Variants in PDE4A observed in about 807,000 individuals in gnomAD.
The protein encoded by PDE4A is phosphodiesterase 4A.
In PDE4A, 21 loss-of-function variants were observed where a neutral mutation model predicts 73.9. The observed-to-expected ratio is 0.28, with a 90% CI of 0.20 to 0.41. PDE4A has a LOEUF of 0.41. PDE4A is among the 10% of genes least tolerant of loss of function. PDE4A has a pLI of 1.00. For missense variants in PDE4A, 958 were observed against 1,211.4 expected (o/e 0.79, Z 3.10); for synonymous variants, 463 against 505.4 (o/e 0.92, Z 1.13).
intron 1 of PDE4A, among the ~76,000 whole-genome samples, chr19:10,432,182 G>A (rs868592657): frequency 4.2e-5 from 6 of 142,490 alleles, no homozygotes; most frequent in Non-Finnish European, 9.4e-5. Flanking sequence ...GAGACGGGGG[G>A]GGGGGGGGGA....
In PDE4A at chr19:10,464,190, C is replaced by G. The variant is rs552261725; in HGVS notation, c.1926+215C>G. ...TTGGCTCACTGCAACCTCCGCCTCC[C>G]AGGTTCAAGTGATTCTCCTGCCTCA... On this transcript the variant is annotated intron_variant, in intron 14 of 14. Coordinates refer to ENST00000380702, the MANE Select transcript of PDE4A (RefSeq NM_001111307.2). 5.9e-5 allele frequency among the ~76,000 whole-genome samples: 9 copies of G among 152,024 alleles called. No homozygotes were observed. In the East Asian group the frequency reaches 1.8e-3, roughly 30 times the overall value.
At chr19:10,459,272 T>C (rs1361891116) in intron 8 of PDE4A, 128 bp from the exon 9 acceptor site, 40 of 1,507,936 alleles carry the variant, frequency 2.7e-5, no homozygotes, top group Non-Finnish European at 3.3e-5. Flanking sequence ...TCTGTGCTGT[T>C]GAACCTGTCA....
At position 10,457,438 on chromosome 19, in the gene PDE4A, G is replaced by A. The variant is rs1421841954; in HGVS notation, c.878-441G>A. Among the ~76,000 whole-genome samples, 35 of 138,182 alleles carry A rather than the reference G, an allele frequency of 2.5e-4. 2 individuals carry two copies. The highest frequency in any genetic ancestry group is 2.7e-4 in the Non-Finnish European group (17 of 62,628). The allele number at this position is 138,182 out of a possible 152,430, so 90.7% of individuals were successfully genotyped here. On this transcript the variant is annotated intron_variant, in intron 7 of 14. Transcript: ENST00000380702. The stretch of plus-strand genomic sequence containing the variant: ...GGCTGGTGCCAAGGTGGGCGGGGGG[G>A]GGGGGGGGCAGGGACATGGAGCCAG...
Position 10,437,879 on chromosome 19 carries a change from A to G in PDE4A, c.321-8339A>G, listed in dbSNP as rs528633317. Among the ~76,000 whole-genome samples the G allele has an allele frequency of 1.1e-4, 16 of 145,972 alleles. No homozygotes were observed. In the South Asian group the frequency reaches 3.2e-3, roughly 30 times the overall value. ...GAGTGCAGTGGCATCATCACTGCTC[A>G]CTGCAGTCTATACCTCCAGGGCTCA... On this transcript the variant is annotated intron_variant, in intron 1 of 14. Coordinates refer to ENST00000380702, the MANE Select transcript of PDE4A (RefSeq NM_001111307.2).
upstream of PDE4A, chr19:10,420,409 G>T: frequency 1.0e-6 from 1 of 970,176 alleles, no homozygotes; most frequent in East Asian, 1.2e-4. The surrounding 1 kb of genome is among the most constrained non-coding windows in gnomAD (Gnocchi z 6.0). Context: ...CCCCCCGCTG[G>T]CCCGGACGGA....
chr19:10,423,612 T>C (rs555431928), intron 1 of PDE4A, among the ~76,000 whole-genome samples: 72 of 152,328 alleles, frequency 4.7e-4, no homozygotes, highest in African/African-American at 1.7e-3. Context: ...GGGGCTTTTG[T>C]TGGCACTGCC....
intron 10 of PDE4A, 169 bp from the exon 11 acceptor site, chr19:10,460,835 A>G: frequency 5.7e-6 from 1 of 176,816 alleles, no homozygotes; most frequent in African/African-American, 2.4e-5. Flanking sequence ...ATTAAATTTG[A>G]GACAGGGCCT....
At chr19:10,442,733 C>T (rs1189674652) in intron 1 of PDE4A, among the ~76,000 whole-genome samples, 4 of 149,546 alleles carry the variant, frequency 2.7e-5, no homozygotes, top group African/African-American at 9.8e-5. Flanking sequence ...ACTATTATTA[C>T]ATATTACCTT....
At chr19:10,438,148 C>CT (rs1239221775) in intron 1 of PDE4A, among the ~76,000 whole-genome samples, 1 of 145,326 alleles carries the variant, frequency 6.9e-6, no homozygotes, top group African/African-American at 2.6e-5. Flanking sequence ...GAGTCTCGCT[C>CT]TGTCGCCAGG....
intron 6 of PDE4A, 29 bp downstream of exon 6, chr19:10,450,970 G>A (rs1167041744): frequency 6.4e-7 from 1 of 1,555,792 alleles, no homozygotes; most frequent in African/African-American, 1.4e-5. Context: ...GAACCCCTGG[G>A]CGGGGCAGGC....
intron 1 of PDE4A, among the ~76,000 whole-genome samples, chr19:10,422,343 C>A (rs10404638): frequency 6.6e-6 from 1 of 152,130 alleles, no homozygotes; most frequent in East Asian, 1.9e-4. Context: ...GTCTGAGCGT[C>A]GGTGCTCTGA....
chr19:10,438,786 A>G (rs1305437269), intron 1 of PDE4A, among the ~76,000 whole-genome samples: 1 of 151,890 alleles, frequency 6.6e-6, no homozygotes, highest in Non-Finnish European at 1.5e-5. Flanking sequence ...TTGTATTTTT[A>G]GTAGAGACAG....
Position 10,467,317 on chromosome 19 carries a change from C to T in PDE4A, c.2357C>T (p.Thr786Ile). Residue 786 changes from threonine to isoleucine, a missense_variant, in exon 15 of 15, where the codon ACA (threonine) becomes ATA (isoleucine). Transcript: ENST00000380702. ...AVYLTQQAQS[T>I]GSAPVAPDEF... ...TATTTGACACAGCAGGCACAGTCCA[C>T]AGGCAGTGCACCTGTGGCTCCGGAT... is the stretch of plus-strand genomic sequence containing the variant. 2 of 1,614,206 alleles carry T rather than the reference C, an allele frequency of 1.2e-6. No individual in the cohort carries two copies. Among genetic ancestry groups the T allele is most frequent in the Non-Finnish European group, 1.7e-6 (2 of 1,180,034 alleles).
chr19:10,467,959 T>C lies in PDE4A; in HGVS notation c.*338T>C, dbSNP rs2043409375. The C allele has an allele frequency of 1.2e-5, 2 of 172,448 alleles. No individual in the cohort carries two copies. Among genetic ancestry groups the C allele is most frequent in the Non-Finnish European group, 2.4e-5 (2 of 81,882 alleles). 10.7% of individuals were successfully genotyped at this position (172,448 alleles called of 1,614,324 possible). On this transcript the variant is annotated 3_prime_UTR_variant, in exon 15 of 15. Coordinates refer to ENST00000380702, the MANE Select transcript of PDE4A (RefSeq NM_001111307.2). ...AACTGTAGATGCTCCTGTTCCTGGT[T>C]CCCGCTTTCCACTTCCAAATCCCTC... is the stretch of plus-strand genomic sequence containing the variant.
chr19:10,452,812 G>A, intron 6 of PDE4A: 1 of 244,000 alleles, frequency 4.1e-6, no homozygotes, highest in African/African-American at 2.3e-5. Flanking sequence ...TCCTGATGGG[G>A]ACAGCCCACC....
rs903194983 is a variant in PDE4A at position 10,430,941 on chromosome 19, C to A, written c.320+9857C>A. On this transcript the variant is annotated intron_variant, in intron 1 of 14. Transcript: ENST00000380702. ...TGAGGACGAGGCGTTCCTGCCCGAG[C>A]CCCTGGCCCCGCGCGCGCCCCGCCG... 1.3e-5 allele frequency: 20 copies of A among 1,522,618 alleles called. No homozygotes were observed. The African/African-American group carries it at 2.6e-4, about 19-fold the overall frequency. 94.3% of individuals were successfully genotyped at this position (1,522,618 alleles called of 1,614,324 possible).
upstream of PDE4A, chr19:10,419,001 CG>C (rs530524648): frequency 4.5e-4 from 440 of 980,550 alleles, 1 homozygote; most frequent in African/African-American, 7.6e-3. Flanking sequence ...TCGCCCACGC[CG>C]GGAGCCCCCT....
chr19:10,452,168 T>G (rs2043101465), intron 6 of PDE4A, among the ~76,000 whole-genome samples: 1 of 151,392 alleles, frequency 6.6e-6, no homozygotes, highest in South Asian at 2.1e-4. Flanking sequence ...GTGGGTGTGT[T>G]TAGTGTGTGT....
At chr19:10,421,412 A>T (rs2042650221) in intron 1 of PDE4A, 1 of 873,962 alleles carries the variant, frequency 1.1e-6, no homozygotes, top group Admixed American at 6.2e-5. Context: ...GCTGGGAACC[A>T]CTTGGAGGGA....
Sources: gnomAD v4.1 joint callset for allele counts (sites outside exome capture counted in the v4.1 genomes callset) on GRCh38, gnomAD v4.1.1 for gene constraint, Gnocchi (gnomAD v3.1) non-coding constraint, MANE v1.5 for transcripts, NCBI Gene and HGNC (gene_info 2026-07-23, HGNC 2026-07-21) for gene names.